The following ZHX2 variants were observed in gnomAD, a reference collection of about 807,000 sequenced individuals.
ZHX2 encodes the protein zinc fingers and homeoboxes protein 2.
In ZHX2, 6 loss-of-function variants were observed where a neutral mutation model predicts 21.9. The observed-to-expected ratio is 0.27, with a 90% CI of 0.15 to 0.54. The LOEUF (loss-of-function observed/expected upper bound fraction) is 0.54, where lower values mean the gene tolerates loss of function less well. Among genes scored for constraint, ZHX2 ranks in the 20% least tolerant of loss-of-function variants. ZHX2 has a pLI of 0.95. For synonymous variants in ZHX2, 434 were observed against 437.1 expected (o/e 0.99, Z 0.09); for missense variants, 908 against 1,090.7 (o/e 0.83, Z 2.36).
At chr8:122,949,286 A>G (rs918956188) in intron 2 of ZHX2, among the ~76,000 whole-genome samples, 1 of 152,254 alleles carries the variant, frequency 6.6e-6, no homozygotes, top group African/African-American at 2.4e-5. Flanking sequence ...CCGCGCCGTT[A>G]TACTCCAGCC....
chr8:122,940,827 A>T (rs1009127371), intron 2 of ZHX2, among the ~76,000 whole-genome samples: 3 of 152,206 alleles, frequency 2.0e-5, no homozygotes, highest in African/African-American at 4.8e-5. Context: ...AGCCAGGATT[A>T]TCTAGGTTCT....
At chr8:122,834,215 G>A (rs1371811896) in intron 1 of ZHX2, among the ~76,000 whole-genome samples, 1 of 152,200 alleles carries the variant, frequency 6.6e-6, no homozygotes, top group Non-Finnish European at 1.5e-5. Context: ...CCTTGGCTTG[G>A]ATGAAGTGAT....
At chr8:122,949,178 G>A in intron 2 of ZHX2, among the ~76,000 whole-genome samples, 1 of 152,098 alleles carries the variant, frequency 6.6e-6, no homozygotes, top group Non-Finnish European at 1.5e-5. Flanking sequence ...TACAAAATTA[G>A]CCTGGCGTGG....
intron 2 of ZHX2, among the ~76,000 whole-genome samples, chr8:122,948,441 A>T (rs946419977): frequency 3.3e-5 from 5 of 152,192 alleles, no homozygotes; most frequent in Admixed American, 2.6e-4. Flanking sequence ...CATTTGTTTA[A>T]TGCAGTTCCA....
chr8:122,873,703 A>G (rs1819500176), intron 2 of ZHX2, among the ~76,000 whole-genome samples: 2 of 152,190 alleles, frequency 1.3e-5, no homozygotes, highest in South Asian at 4.1e-4. Context: ...TTATGGTACT[A>G]GAGGTCATAG....
intron 1 of ZHX2, among the ~76,000 whole-genome samples, chr8:122,857,902 G>A (rs1434024202): frequency 6.6e-6 from 1 of 152,244 alleles, no homozygotes; most frequent in East Asian, 1.9e-4. Context: ...TGCTCCGGAA[G>A]TGGTGGCTGT....
chr8:122,832,359 G>A (rs969100377), intron 1 of ZHX2, among the ~76,000 whole-genome samples: 11 of 152,186 alleles, frequency 7.2e-5, no homozygotes, highest in African/African-American at 2.2e-4. Context: ...AGCAGCTGCC[G>A]CCAATGCTCA....
chr8:122,875,161 A>T (rs1300597309), intron 2 of ZHX2, among the ~76,000 whole-genome samples: 428 of 42,108 alleles, frequency 0.01, 37 homozygotes, highest in African/African-American at 0.038. Flanking sequence ...ATATATATAT[A>T]TATATATATA....
At chr8:122,799,777 G>A (rs1817680888) in intron 1 of ZHX2, among the ~76,000 whole-genome samples, 1 of 152,206 alleles carries the variant, frequency 6.6e-6, no homozygotes, top group East Asian at 1.9e-4. Flanking sequence ...GGAGAGTCCT[G>A]TCCACCTGAC....
intron 1 of ZHX2, among the ~76,000 whole-genome samples, chr8:122,819,394 A>G (rs541182173): frequency 6.6e-6 from 1 of 152,350 alleles, no homozygotes; most frequent in African/African-American, 2.4e-5. Flanking sequence ...TATTCCCAGC[A>G]TGCGTGCTCA....
At chr8:122,962,199 T>C (rs1440717625) in intron 3 of ZHX2, among the ~76,000 whole-genome samples, 1 of 152,188 alleles carries the variant, frequency 6.6e-6, no homozygotes, top group African/African-American at 2.4e-5. Flanking sequence ...TTAGGTGTGA[T>C]TTCTGAGCTT....
chr8:122,874,418 C>T (rs1484652445), intron 2 of ZHX2, among the ~76,000 whole-genome samples: 3 of 152,162 alleles, frequency 2.0e-5, no homozygotes, highest in Non-Finnish European at 2.9e-5. Flanking sequence ...CTGCAACTTC[C>T]GCCTCCTGGG....
At chr8:122,918,513 G>A (rs769046825) in intron 2 of ZHX2, among the ~76,000 whole-genome samples, 10 of 152,060 alleles carry the variant, frequency 6.6e-5, no homozygotes, top group Non-Finnish European at 1.0e-4. Flanking sequence ...TTCTCACCTC[G>A]TCTTTGGAGG....
At chr8:122,894,280 C>T (rs896733632) in intron 2 of ZHX2, among the ~76,000 whole-genome samples, 2 of 152,184 alleles carry the variant, frequency 1.3e-5, no homozygotes, top group East Asian at 3.9e-4. Context: ...GAATAAATTA[C>T]CCTGTACCAC....
chr8:122,929,806 G>A (rs1820940078), intron 2 of ZHX2, among the ~76,000 whole-genome samples: 1 of 152,152 alleles, frequency 6.6e-6, no homozygotes, highest in South Asian at 2.1e-4. Flanking sequence ...GGAGTACACA[G>A]GTTACCAGTA....
intron 1 of ZHX2, among the ~76,000 whole-genome samples, chr8:122,827,315 G>A (rs925154129): frequency 6.6e-6 from 1 of 152,162 alleles, no homozygotes; most frequent in Non-Finnish European, 1.5e-5. Context: ...TGGGATTACA[G>A]GTGTAAGCCA....
intron 2 of ZHX2, among the ~76,000 whole-genome samples, chr8:122,873,204 C>T (rs1268180691): frequency 1.3e-5 from 2 of 152,156 alleles, no homozygotes; most frequent in Non-Finnish European, 2.9e-5. Flanking sequence ...AAGGAGTGAC[C>T]GTGGCGGTAA....
intron 2 of ZHX2, among the ~76,000 whole-genome samples, chr8:122,902,937 A>G (rs1049740417): frequency 6.6e-6 from 1 of 152,150 alleles, no homozygotes; most frequent in Non-Finnish European, 1.5e-5. Context: ...TGGATTCCCA[A>G]GGCCTCCTGG....
intron 1 of ZHX2, among the ~76,000 whole-genome samples, chr8:122,831,501 G>A (rs1229418474): frequency 6.6e-6 from 1 of 152,198 alleles, no homozygotes; most frequent in Non-Finnish European, 1.5e-5. Context: ...ACATACCATG[G>A]TCCTTGCTTT....
Sources: gnomAD v4.1 joint callset for allele counts (sites outside exome capture counted in the v4.1 genomes callset) on GRCh38, gnomAD v4.1.1 for gene constraint, MANE v1.5 for transcripts, NCBI Gene and HGNC (gene_info 2026-07-23, HGNC 2026-07-21) for gene names.